CANX: variants seen among roughly 807,000 people sequenced by gnomAD.
CANX encodes epididymis secretory sperm binding protein.
Under a neutral mutation model 75.7 loss-of-function variants are expected in CANX, and 14 were observed. The ratio of observed to expected loss-of-function variants is 0.19; its 90% confidence interval spans 0.12 to 0.29. The LOEUF is 0.29. CANX is among the 10% of genes least tolerant of loss of function. The pLI is 1.00. For missense variants in CANX, 567 were observed against 713.2 expected (o/e 0.79, Z 2.34); for synonymous variants, 227 against 236.9 (o/e 0.96, Z 0.38).
Position 179,710,074 on chromosome 5 carries a change from A to C in CANX, c.721+9A>C. ...ACATCTTTACACACTAAGTAAGAAA[A>C]AGCATTAGTTTGGGGGCTTATGGTA... is the stretch of plus-strand genomic sequence containing the variant. On this transcript the variant is annotated intron_variant, in intron 7 of 14. Coordinates refer to ENST00000247461, the MANE Select transcript of CANX (RefSeq NM_001746.4). The C allele has an allele frequency of 1.3e-6, 2 of 1,509,948 alleles. No homozygotes were observed. Among genetic ancestry groups the C allele is most frequent in the Non-Finnish European group, 1.8e-6 (2 of 1,096,122 alleles). 93.5% of individuals were successfully genotyped at this position (1,509,948 alleles called of 1,614,324 possible).
At chr5:179,718,226 G>C (rs897747658) in intron 8 of CANX, among the ~76,000 whole-genome samples, 1 of 152,104 alleles carries the variant, frequency 6.6e-6, no homozygotes, top group African/African-American at 2.4e-5. Flanking sequence ...ACCCAGGCTG[G>C]AGTGCAGTGG....
upstream of CANX, among the ~76,000 whole-genome samples, chr5:179,697,633 G>A (rs2113068018): frequency 6.6e-6 from 1 of 152,282 alleles, no homozygotes; most frequent in Non-Finnish European, 1.5e-5. Context: ...AAGTTGGGGC[G>A]CCGTGGCTCA....
chr5:179,718,146 G>A (rs1236498666), intron 8 of CANX, among the ~76,000 whole-genome samples: 1 of 152,016 alleles, frequency 6.6e-6, no homozygotes. Context: ...AGCTGGGACT[G>A]CAGGTATGCA....
Position 179,722,839 on chromosome 5 carries a change from T to C in CANX, c.1218T>C (p.Asp406=), listed in dbSNP as rs1213352642. 1 of 1,613,696 alleles carries C rather than the reference T, an allele frequency of 6.2e-7. No homozygotes were observed. Among genetic ancestry groups the C allele is most frequent in the Admixed American group, 1.7e-5 (1 of 60,024 alleles). The change falls in exon 11 of 15, where the codon GAT becomes GAC. Residue 406 remains aspartate, a synonymous_variant. Transcript: ENST00000247461. ...AACCCAGGAAAATACCAAATCCAGA[T>C]TTCTTTGAAGATCTGGAACCTTTCA... ...IWKPRKIPNP[D]FFEDLEPFRM...
At chr5:179,725,360 C>T (rs928620738) in intron 13 of CANX, among the ~76,000 whole-genome samples, 6 of 151,954 alleles carry the variant, frequency 3.9e-5, no homozygotes, top group Admixed American at 3.9e-4. Context: ...GCGTGAGCCA[C>T]CAGACCCAGC....
At chr5:179,710,707 CAA>C (rs71591440) in intron 7 of CANX, among the ~76,000 whole-genome samples, 10 of 27,356 alleles carry the variant, frequency 3.7e-4, no homozygotes, top group East Asian at 2.7e-3. Context: ...GACTCCATCT[CAA>C]AAAAAAAAAA....
chr5:179,718,459 G>C (rs1327998578), intron 8 of CANX, among the ~76,000 whole-genome samples: 2 of 152,154 alleles, frequency 1.3e-5, no homozygotes, highest in African/African-American at 2.4e-5. Context: ...CTGATGTCAA[G>C]TGATCTACCA....
chr5:179,711,513 G>A (rs1198828164), intron 7 of CANX, among the ~76,000 whole-genome samples: 3 of 152,148 alleles, frequency 2.0e-5, no homozygotes, highest in Non-Finnish European at 4.4e-5. Flanking sequence ...TTTTGGCCAG[G>A]CATGGTGGCT....
At chr5:179,712,784 C>T (rs6885671) in intron 7 of CANX, among the ~76,000 whole-genome samples, 3,012 of 149,684 alleles carry the variant, frequency 0.02, 91 homozygotes, top group African/African-American at 0.067. Flanking sequence ...CGTGCAGTGG[C>T]GTGATCTTGG....
chr5:179,681,940 T>C (rs1776073445), intron 1 of CANX, among the ~76,000 whole-genome samples: 1 of 113,666 alleles, frequency 8.8e-6, no homozygotes, highest in African/African-American at 3.3e-5. Context: ...AGAGACCCTG[T>C]GTTTAAAAAA....
At chr5:179,714,442 A>G (rs536320465) in intron 7 of CANX, among the ~76,000 whole-genome samples, 3 of 152,226 alleles carry the variant, frequency 2.0e-5, no homozygotes, top group Admixed American at 1.3e-4. Flanking sequence ...CAGCATTGTG[A>G]TATATATTTG....
chr5:179,697,345 G>C (rs1175249173), upstream of CANX, among the ~76,000 whole-genome samples: 1 of 152,136 alleles, frequency 6.6e-6, no homozygotes, highest in African/African-American at 2.4e-5. Flanking sequence ...ATCACAGGGA[G>C]AGCCACCTCG....
At chr5:179,706,587 G>A (rs1777155822) in intron 3 of CANX, among the ~76,000 whole-genome samples, 1 of 152,162 alleles carries the variant, frequency 6.6e-6, no homozygotes, top group Non-Finnish European at 1.5e-5. Flanking sequence ...GGGATTATAG[G>A]CATGCGCCAC....
intron 7 of CANX, among the ~76,000 whole-genome samples, chr5:179,715,603 G>A (rs1280570132): frequency 1.3e-5 from 2 of 152,154 alleles, no homozygotes; most frequent in Non-Finnish European, 2.9e-5. Context: ...CATTCTCCAT[G>A]GGAGTTAAAA....
chr5:179,689,342 T>C (rs994863685), intron 1 of CANX, among the ~76,000 whole-genome samples: 5 of 147,572 alleles, frequency 3.4e-5, no homozygotes, highest in African/African-American at 1.2e-4. Context: ...CCTTATTTCA[T>C]GGCCTACCAA....
In CANX at chr5:179,698,997, C is replaced by A; in HGVS notation, c.-109C>A. The A allele has an allele frequency of 8.9e-7, 1 of 1,124,030 alleles. No homozygotes were observed. Among genetic ancestry groups the A allele is most frequent in the Non-Finnish European group, 1.1e-6 (1 of 911,896 alleles). The allele number at this position is 1,124,030 out of a possible 1,614,324, so 69.6% of individuals were successfully genotyped here. A position where few individuals can be genotyped will look rare whatever the true frequency, so the allele number is the denominator to read the frequency against. ...TGGCCGAGGCCTCTTGGTTCTGCGGCACGTGACGGTCGGGCCGCCTCCGCC... is the reference window on the plus strand; with the variant it reads ...TGGCCGAGGCCTCTTGGTTCTGCGGAACGTGACGGTCGGGCCGCCTCCGCC... On this transcript the variant is annotated 5_prime_UTR_variant, in exon 1 of 15. Transcript: ENST00000247461.
At chr5:179,686,190 C>T (rs1776188394) in intron 1 of CANX, among the ~76,000 whole-genome samples, 1 of 149,740 alleles carries the variant, frequency 6.7e-6, no homozygotes, top group Non-Finnish European at 1.5e-5. Context: ...CTCCACCTCC[C>T]GAGTTCAAGC....
upstream of CANX, among the ~76,000 whole-genome samples, chr5:179,695,570 C>T (rs1353225384): frequency 6.6e-6 from 1 of 152,142 alleles, no homozygotes; most frequent in Non-Finnish European, 1.5e-5. Context: ...CTCAGGTGAT[C>T]CACCCGCCTT....
At chr5:179,725,137 C>T (rs1024841445) in intron 13 of CANX, among the ~76,000 whole-genome samples, 1 of 152,202 alleles carries the variant, frequency 6.6e-6, no homozygotes, top group Non-Finnish European at 1.5e-5. Context: ...ATCCTCCTAC[C>T]TCAGCACCCC....
Sources: gnomAD v4.1 joint callset for allele counts (sites outside exome capture counted in the v4.1 genomes callset) on GRCh38, gnomAD v4.1.1 for gene constraint, MANE v1.5 for transcripts, NCBI Gene and HGNC (gene_info 2026-07-23, HGNC 2026-07-21) for gene names.